TCF20: variants seen among roughly 807,000 people sequenced by gnomAD.
TCF20 encodes transcription factor 20, also known as SPRE-binding protein.
TCF20 carries 3 observed loss-of-function variants against 148.6 expected under a neutral mutation model. The observed-to-expected ratio is 0.02, with a 90% CI of 0.01 to 0.05. The LOEUF is 0.05. Among genes scored for constraint, TCF20 ranks in the 10% least tolerant of loss-of-function variants. TCF20 has a pLI of 1.00. For missense variants in TCF20, 2,350 were observed against 2,429.3 expected (o/e 0.97, Z 0.69); for synonymous variants, 1,049 against 909.5 (o/e 1.15, Z -2.76).
chr22:42,329,071 C>G (rs921086201), intron 1 of TCF20, among the ~76,000 whole-genome samples: 1 of 152,232 alleles, frequency 6.6e-6, no homozygotes, highest in East Asian at 1.9e-4. Flanking sequence ...CCCCGCTCCC[C>G]CTCTGAGCCA....
At chr22:42,276,153 T>C (rs944562040) in intron 1 of TCF20, among the ~76,000 whole-genome samples, 4 of 152,222 alleles carry the variant, frequency 2.6e-5, no homozygotes, top group Non-Finnish European at 5.9e-5. Flanking sequence ...GAAAAGACTT[T>C]GTTCCATCCT....
chr22:42,289,111 G>A (rs188894628), intron 1 of TCF20, among the ~76,000 whole-genome samples: 3 of 152,310 alleles, frequency 2.0e-5, no homozygotes, highest in East Asian at 3.9e-4. Context: ...GATATTCCCC[G>A]ACCCACATCA....
chr22:42,194,360 C>T (rs1209152042), intron 2 of TCF20, among the ~76,000 whole-genome samples: 4 of 152,176 alleles, frequency 2.6e-5, no homozygotes, highest in Non-Finnish European at 5.9e-5. Context: ...CAATGAAGAA[C>T]GGTTTCTGTG....
intron 2 of TCF20, among the ~76,000 whole-genome samples, chr22:42,186,006 C>T (rs557751938): frequency 1.3e-5 from 2 of 152,354 alleles, no homozygotes. Flanking sequence ...GATTTAGAAT[C>T]TGCACTTATG....
chr22:42,190,498 G>A (rs1419438204), intron 2 of TCF20, among the ~76,000 whole-genome samples: 2 of 151,850 alleles, frequency 1.3e-5, no homozygotes, highest in African/African-American at 4.8e-5. Flanking sequence ...TACTTCCCAG[G>A]AAGTACCAGC....
chr22:42,193,824 G>C (rs1451084630), intron 2 of TCF20, among the ~76,000 whole-genome samples: 1 of 152,140 alleles, frequency 6.6e-6, no homozygotes, highest in African/African-American at 2.4e-5. Flanking sequence ...CTATAATTAT[G>C]ACTCTTTGCC....
At chr22:42,222,880 C>T (rs1009973712) in intron 1 of TCF20, among the ~76,000 whole-genome samples, 1 of 152,206 alleles carries the variant, frequency 6.6e-6, no homozygotes, top group African/African-American at 2.4e-5. Context: ...TGGCCGGCCA[C>T]AGTGGCTCAC....
chr22:42,254,678 T>C (rs1394178649), intron 1 of TCF20, among the ~76,000 whole-genome samples: 2 of 152,110 alleles, frequency 1.3e-5, no homozygotes, highest in East Asian at 3.8e-4. Context: ...GAAATTGACA[T>C]CAGGAAACTT....
At chr22:42,239,411 G>A (rs1924187910) in intron 1 of TCF20, among the ~76,000 whole-genome samples, 1 of 151,282 alleles carries the variant, frequency 6.6e-6, no homozygotes, top group Non-Finnish European at 1.5e-5. Flanking sequence ...CGGAGGCGGA[G>A]ATTGCAGTGA....
chr22:42,268,716 G>C (rs1013648954), intron 1 of TCF20, among the ~76,000 whole-genome samples: 1 of 152,164 alleles, frequency 6.6e-6, no homozygotes, highest in Non-Finnish European at 1.5e-5. Context: ...AACATTTTCT[G>C]ATAACTTCTT....
chr22:42,306,613 T>C (rs1431149591), intron 1 of TCF20, among the ~76,000 whole-genome samples: 1 of 152,140 alleles, frequency 6.6e-6, no homozygotes, highest in Non-Finnish European at 1.5e-5. Context: ...ACAGCACTAA[T>C]GGGGCTTCGT....
At chr22:42,237,583 A>G (rs969278466) in intron 1 of TCF20, among the ~76,000 whole-genome samples, 1 of 152,226 alleles carries the variant, frequency 6.6e-6, no homozygotes, top group Non-Finnish European at 1.5e-5. Flanking sequence ...AAGGTTTTCA[A>G]TTCACTCTGC....
intron 3 of TCF20, among the ~76,000 whole-genome samples, chr22:42,176,265 G>A (rs1347195776): frequency 6.6e-6 from 1 of 152,158 alleles, no homozygotes. Context: ...TCCTACAGAA[G>A]CTTGGAGAGA....
intron 1 of TCF20, among the ~76,000 whole-genome samples, chr22:42,336,895 C>T (rs1011120171): frequency 7.2e-5 from 11 of 152,180 alleles, no homozygotes; most frequent in African/African-American, 2.7e-4. Flanking sequence ...ACATGTGCAC[C>T]CCACCCTGAT....
chr22:42,249,580 G>A (rs2147342214), intron 1 of TCF20, among the ~76,000 whole-genome samples: 1 of 152,334 alleles, frequency 6.6e-6, no homozygotes, highest in South Asian at 2.1e-4. Flanking sequence ...TGCTGCAAAA[G>A]CAGAAATTGC....
intron 2 of TCF20, among the ~76,000 whole-genome samples, chr22:42,180,986 G>GTGCCC (rs1166855273): frequency 1.3e-5 from 2 of 152,206 alleles, no homozygotes; most frequent in Non-Finnish European, 2.9e-5. Context: ...TGTTTATCAT[G>GTGCCC]TGCCCTCGCA....
chr22:42,228,744 A>T (rs142014237), intron 1 of TCF20, among the ~76,000 whole-genome samples: 158 of 152,358 alleles, frequency 1.0e-3, no homozygotes, highest in African/African-American at 3.5e-3. Context: ...AGTAGAGATA[A>T]AAATGGGAAG....
At chr22:42,307,906 G>A (rs1222441932) in intron 1 of TCF20, among the ~76,000 whole-genome samples, 2 of 152,328 alleles carry the variant, frequency 1.3e-5, no homozygotes, top group South Asian at 2.1e-4. Context: ...TTCGGAAGAC[G>A]AACTTCGAGG....
rs973933855 is a variant in TCF20 at position 42,297,396 on chromosome 22, C to T, written c.-37+46083G>A. ...GGAGTGGGTCCTCATTTGCATTAGA[C>T]GGTAAATCTAAGGACACTGGTTGTG... On this transcript the variant is annotated intron_variant, in intron 1 of 1. Coordinates refer to the TCF20 transcript ENST00000515426. The surrounding 1 kb of genome is among the most constrained non-coding windows in gnomAD (Gnocchi z 4.3). Among the ~76,000 whole-genome samples the T allele has an allele frequency of 1.1e-4, 16 of 152,198 alleles. No homozygotes were observed. Among genetic ancestry groups the T allele is most frequent in the Admixed American group, 5.2e-4 (8 of 15,278 alleles).
Sources: gnomAD v4.1 joint callset for allele counts (sites outside exome capture counted in the v4.1 genomes callset) on GRCh38, gnomAD v4.1.1 for gene constraint, Gnocchi (gnomAD v3.1) non-coding constraint, MANE v1.5 for transcripts, NCBI Gene and HGNC (gene_info 2026-07-23, HGNC 2026-07-21) for gene names.